ACTG2: variants seen among roughly 807,000 people sequenced by gnomAD.
ACTG2 encodes the protein actin gamma 2, smooth muscle.
A neutral mutation model predicts 37.6 loss-of-function variants in ACTG2; 16 were observed. That is an observed-to-expected ratio of 0.43 (90% CI 0.29 to 0.65). The LOEUF (loss-of-function observed/expected upper bound fraction) is 0.65, where lower values mean the gene tolerates loss of function less well. Among genes scored for constraint, ACTG2 ranks in the 30% least tolerant of loss-of-function variants. The probability of loss-of-function intolerance (pLI) is 0.18; values close to 1 mark genes in which losing one functional copy is unlikely to be tolerated. For synonymous variants in ACTG2, 181 were observed against 179.9 expected (o/e 1.01, Z -0.05); for missense variants, 238 against 490.9 (o/e 0.48, Z 4.87).
intron 3 of ACTG2, among the ~76,000 whole-genome samples, chr2:73,903,636 A>G (rs767807389): frequency 1.4e-4 from 22 of 152,222 alleles, no homozygotes; most frequent in Non-Finnish European, 1.5e-4. Flanking sequence ...TATATGTAAC[A>G]GTATCTAATT....
chr2:73,898,822 A>G (rs745869756), intron 1 of ACTG2, among the ~76,000 whole-genome samples: 4 of 86,252 alleles, frequency 4.6e-5, no homozygotes, highest in African/African-American at 1.9e-4. Flanking sequence ...TTTTTTTTTG[A>G]GATGGAGTCT....
At chr2:73,914,904 A>G (rs1680226407) in intron 7 of ACTG2, 33 bp downstream of exon 7, 1 of 1,479,108 alleles carries the variant, frequency 6.8e-7, no homozygotes, top group East Asian at 2.5e-5. Context: ...TGCCAATCTC[A>G]GGAGGGGAGG....
chr2:73,918,040 C>T (rs1055118139), intron 8 of ACTG2, among the ~76,000 whole-genome samples: 1 of 152,226 alleles, frequency 6.6e-6, no homozygotes, highest in Non-Finnish European at 1.5e-5. Context: ...CAGTACGTGC[C>T]AGCCTTCATG....
chr2:73,909,001 A>G, intron 4 of ACTG2, 54 bp from the exon 5 acceptor site: 1 of 1,538,060 alleles, frequency 6.5e-7, no homozygotes, highest in Non-Finnish European at 9.0e-7. Flanking sequence ...TCTACAGGCC[A>G]AGAAGTGCTG....
In ACTG2 at chr2:73,904,739, T is replaced by TTGTGTGTGTG. The variant is rs370499600; in HGVS notation, c.255+2281_255+2290dup. Among the ~76,000 whole-genome samples the TTGTGTGTGTG allele has an allele frequency of 2.6e-4, 27 of 103,798 alleles. 1 individual carries two copies. Among genetic ancestry groups the TTGTGTGTGTG allele is most frequent in the African/African-American group, 9.5e-4 (24 of 25,330 alleles). 68.1% of individuals were successfully genotyped at this position (103,798 alleles called of 152,430 possible). A position where few individuals can be genotyped will look rare whatever the true frequency, so the allele number is the denominator to read the frequency against. On this transcript the variant is annotated intron_variant, in intron 3 of 8. Coordinates refer to ENST00000345517, the MANE Select transcript of ACTG2 (RefSeq NM_001615.4). ...CATTTCATTATATATCTATAAATCATTGTGTGTGTGTGTGTGTGTGTGTGT... is the reference window on the plus strand; with the variant it reads ...CATTTCATTATATATCTATAAATCATTGTGTGTGTGTGTGTGTGTGTGTGTGTGTGTGTGT...
chr2:73,902,941 G>A (rs1339401833), intron 3 of ACTG2: 1 of 663,748 alleles, frequency 1.5e-6, no homozygotes, highest in Non-Finnish European at 2.5e-6. Context: ...TAAAATGCTG[G>A]TGCTGGCTCA....
At chr2:73,894,427 A>G (rs547600148) in intron 1 of ACTG2, among the ~76,000 whole-genome samples, 2 of 152,276 alleles carry the variant, frequency 1.3e-5, no homozygotes, top group African/African-American at 2.4e-5. Flanking sequence ...CAGGCCTGAG[A>G]AAAGGGGATG....
Position 73,901,532 on chromosome 2 carries a change from ATGTGTGTGTGTGTG to A in ACTG2, c.126+131_126+144del, listed in dbSNP as rs58042852. On this transcript the variant is annotated intron_variant, in intron 2 of 8. Coordinates refer to ENST00000345517, the MANE Select transcript of ACTG2 (RefSeq NM_001615.4). The stretch of plus-strand genomic sequence containing the variant: ...CTGAGCTGGGGGTTAGGGGAAGGAA[ATGTGTGTGTGTGTG>A]TGTGTGTGTGTGTGTGTGTGTGTGT... The A allele has an allele frequency of 8.6e-5, 98 of 1,145,010 alleles. No homozygotes were observed. The East Asian group carries it at 1.1e-3, about 13-fold the overall frequency. The allele number at this position is 1,145,010 out of a possible 1,614,324, so 70.9% of individuals were successfully genotyped here.
At chr2:73,895,940 G>A (rs1679738381) in intron 1 of ACTG2, among the ~76,000 whole-genome samples, 1 of 152,228 alleles carries the variant, frequency 6.6e-6, no homozygotes, top group African/African-American at 2.4e-5. Context: ...AATGGATGTG[G>A]CTGTGTTTCA....
chr2:73,902,019 GTGTGTGTGTGTGTGTGTGTGTC>G (rs1266467542), intron 2 of ACTG2, among the ~76,000 whole-genome samples: 1,661 of 41,658 alleles, frequency 0.04, 24 homozygotes, highest in African/African-American at 0.11. Context: ...CATACAAGTC[GTGTGTGTGTGTGTGTGTGTGTC>G]TGTGTGTGTG....
At chr2:73,915,631 T>C (rs1680250920) in intron 7 of ACTG2, among the ~76,000 whole-genome samples, 1 of 152,074 alleles carries the variant, frequency 6.6e-6, no homozygotes, top group Non-Finnish European at 1.5e-5. Context: ...CTACAGTAGC[T>C]GGATGTCAAC....
rs376566299 is a variant in ACTG2, at chr2:73,903,924, A to G, written c.255+1436A>G. Reference sequence around the variant, plus strand: ...CACTGCACTCCACTGTGGGTGACAGAGTGAGACTCCGTCTCAAAAAAAAAA... The same window carrying G: ...CACTGCACTCCACTGTGGGTGACAGGGTGAGACTCCGTCTCAAAAAAAAAA... On this transcript the variant is annotated intron_variant, in intron 3 of 8. Coordinates refer to ENST00000345517, the MANE Select transcript of ACTG2 (RefSeq NM_001615.4). Among the ~76,000 whole-genome samples the G allele has an allele frequency of 4.6e-5, 6 of 131,256 alleles. No individual in the cohort carries two copies. The South Asian group carries it at 1.7e-3, about 36-fold the overall frequency. 86.1% of individuals were successfully genotyped at this position (131,256 alleles called of 152,430 possible). A position where few individuals can be genotyped will look rare whatever the true frequency, so the allele number is the denominator to read the frequency against.
At chr2:73,907,199 T>C (rs1025168157) in intron 3 of ACTG2, among the ~76,000 whole-genome samples, 1 of 152,206 alleles carries the variant, frequency 6.6e-6, no homozygotes, top group African/African-American at 2.4e-5. Context: ...TGGTCTTTTT[T>C]AAACGTCTCT....
intron 6 of ACTG2, among the ~76,000 whole-genome samples, chr2:73,914,273 C>T (rs888490604): frequency 2.0e-5 from 3 of 151,990 alleles, no homozygotes; most frequent in African/African-American, 2.4e-5. Flanking sequence ...CTAAAGTAGA[C>T]GTGAGGCCAG....
intron 8 of ACTG2, 93 bp from the exon 9 acceptor site, chr2:73,919,339 G>A (rs914284032): frequency 1.4e-6 from 2 of 1,431,742 alleles, no homozygotes; most frequent in Non-Finnish European, 1.9e-6. Flanking sequence ...TTCTGACCAT[G>A]GGGCTCCCCT....
intron 6 of ACTG2, among the ~76,000 whole-genome samples, chr2:73,914,427 C>T (rs114606556): frequency 0.012 from 1,755 of 152,056 alleles, 33 homozygotes; most frequent in African/African-American, 0.04. Flanking sequence ...AGCTTAGTGG[C>T]GCACGCCTGT....
intron 8 of ACTG2, among the ~76,000 whole-genome samples, chr2:73,918,053 G>C (rs1573476756): frequency 6.6e-6 from 1 of 152,210 alleles, no homozygotes; most frequent in Admixed American, 6.5e-5. Context: ...CCTTCATGGA[G>C]TTTAGGATCT....
intron 1 of ACTG2, among the ~76,000 whole-genome samples, chr2:73,900,926 C>T (rs1247672487): frequency 6.6e-6 from 1 of 152,156 alleles, no homozygotes; most frequent in Admixed American, 6.5e-5. Context: ...TCCTAATTCC[C>T]TCTTCTTATA....
At chr2:73,912,309 C>G (rs1188773192) in intron 5 of ACTG2, among the ~76,000 whole-genome samples, 2 of 152,184 alleles carry the variant, frequency 1.3e-5, no homozygotes, top group Admixed American at 1.3e-4. Flanking sequence ...ATGCACCTGC[C>G]TCTGCACCCG....
Sources: allele counts gnomAD v4.1 joint callset (sites outside exome capture counted in the v4.1 genomes callset), GRCh38; gene constraint gnomAD v4.1.1; transcripts MANE v1.5; gene names NCBI Gene and HGNC (gene_info 2026-07-23, HGNC 2026-07-21).